GPR139: variants seen among roughly 807,000 people sequenced by gnomAD.
GPR139 encodes the protein G protein-coupled receptor 139.
GPR139 carries 12 observed loss-of-function variants against 25.8 expected under a neutral mutation model. That is an observed-to-expected ratio of 0.47 (90% CI 0.30 to 0.75). The LOEUF (loss-of-function observed/expected upper bound fraction) is 0.75, where lower values mean the gene tolerates loss of function less well. GPR139 is among the 30% of genes least tolerant of loss of function. GPR139 has a pLI of 0.07. For synonymous variants in GPR139, 184 were observed against 179.9 expected, an observed-to-expected ratio of 1.02 and a Z score of -0.18; for missense variants, 380 against 450.2, an observed-to-expected ratio of 0.84 and a Z score of 1.41.
At position 20,032,656 on chromosome 16, in the gene GPR139, T is replaced by G. The variant is rs758452512; in HGVS notation, c.141A>C (p.Thr47=). Residue 47 remains threonine (T), a synonymous_variant, in exon 2 of 2, where the codon ACA becomes ACC. Transcript: ENST00000570682. ...CCACCAGCTGGGAGAGGATGATCAC[T>G]GTCAAGATATTTGCTGTGGAGAGAA... ...LCLGLPANIL[T]VIILSQLVAR... 6.2e-7 allele frequency: 1 copy of G among 1,604,318 alleles called. No homozygotes were observed. Among genetic ancestry groups the G allele is most frequent in the Admixed American group, 1.7e-5 (1 of 59,830 alleles).
chr16:20,042,538 A>G (rs993180289), intron 1 of GPR139, among the ~76,000 whole-genome samples: 1 of 152,128 alleles, frequency 6.6e-6, no homozygotes, highest in African/African-American at 2.4e-5. Context: ...GGAGAATAAC[A>G]TTGGTCATTA....
intron 1 of GPR139, among the ~76,000 whole-genome samples, chr16:20,058,006 G>A (rs191391442): frequency 6.6e-6 from 1 of 152,262 alleles, no homozygotes; most frequent in East Asian, 1.9e-4. Context: ...AATGAAACCT[G>A]GTCCTTGATA....
At chr16:20,046,136 C>T (rs538821742) in intron 1 of GPR139, among the ~76,000 whole-genome samples, 1 of 152,312 alleles carries the variant, frequency 6.6e-6, no homozygotes, top group African/African-American at 2.4e-5. Context: ...AATAGCTTAT[C>T]AATTGTGCAT....
Position 20,033,737 on chromosome 16 carries a change from C to T in GPR139, c.128-1068G>A, listed in dbSNP as rs189696890. Among the ~76,000 whole-genome samples the T allele has an allele frequency of 5.3e-5, 8 of 152,140 alleles. No individual in the cohort carries two copies. In the East Asian group the frequency reaches 1.5e-3, roughly 29 times the overall value. ...TAATAGCAAGGAAAAGTACATTTTC[C>T]TTCTACTCTTATTCTCCAATCATCA... On this transcript the variant is annotated intron_variant, in intron 1 of 1. Coordinates refer to ENST00000570682, the MANE Select transcript of GPR139 (RefSeq NM_001002911.4).
chr16:20,043,191 AG>A (rs2057342652), intron 1 of GPR139, among the ~76,000 whole-genome samples: 1 of 152,230 alleles, frequency 6.6e-6, no homozygotes, highest in African/African-American at 2.4e-5. Context: ...GCAGGGCTGG[AG>A]TCAGCCTTGC....
chr16:20,044,633 G>A (rs1324792003), intron 1 of GPR139, among the ~76,000 whole-genome samples: 2 of 152,138 alleles, frequency 1.3e-5, no homozygotes, highest in African/African-American at 4.8e-5. Flanking sequence ...GCTATTGAGT[G>A]CTTATATCGT....
intron 1 of GPR139, chr16:20,070,916 A>G (rs2057457363): frequency 2.0e-6 from 2 of 984,044 alleles, no homozygotes; most frequent in Non-Finnish European, 2.4e-6. Flanking sequence ...GCAGAGTTAC[A>G]TGCTGACCTG....
rs2057468523 is a variant in GPR139 at position 20,073,542 on chromosome 16, C to T, written c.75G>A (p.Leu25=). 1 of 1,606,300 alleles carries T rather than the reference C, an allele frequency of 6.2e-7. No individual in the cohort carries two copies. Among genetic ancestry groups the T allele is most frequent in the Non-Finnish European group, 8.5e-7 (1 of 1,177,040 alleles). ...SWWSPGSACG[L]GFVPVVYYSL... ...TGTAGTAGACCACGGGCACGAAACC[C>T]AAGCCGCAGGCCGAGCCGGGGGACC... Residue 25 remains leucine, a synonymous_variant, in exon 1 of 2, where the codon TTG becomes TTA. Coordinates refer to ENST00000570682, the MANE Select transcript of GPR139 (RefSeq NM_001002911.4). This position sits in a 1 kb window ranked among gnomAD's most constrained non-coding sequence, Gnocchi z 4.7.
At chr16:20,041,145 GGAGACGA>G (rs1156670707) in intron 1 of GPR139, among the ~76,000 whole-genome samples, 10 of 606 alleles carry the variant, frequency 0.017, no homozygotes, top group Admixed American at 0.083. Flanking sequence ...GGAGAGGAGA[GGAGACGA>G]GAGGGGAGGG....
At chr16:20,051,967 C>T (rs2057373754) in intron 1 of GPR139, among the ~76,000 whole-genome samples, 1 of 152,192 alleles carries the variant, frequency 6.6e-6, no homozygotes, top group Non-Finnish European at 1.5e-5. Context: ...TTCCTCACCT[C>T]TAAAATGAGA....
intron 1 of GPR139, among the ~76,000 whole-genome samples, chr16:20,040,225 C>T (rs576125892): frequency 1.2e-4 from 19 of 152,328 alleles, no homozygotes; most frequent in African/African-American, 3.8e-4. Flanking sequence ...AAGCAAGAAC[C>T]ACCCAGCAGA....
intron 1 of GPR139, among the ~76,000 whole-genome samples, chr16:20,054,317 A>G (rs1390649728): frequency 2.3e-4 from 35 of 152,226 alleles, no homozygotes; most frequent in Admixed American, 2.3e-3. Context: ...TAATGCTGCT[A>G]GTAAAGAATC....
intron 1 of GPR139, among the ~76,000 whole-genome samples, chr16:20,044,500 T>C (rs1215246242): frequency 1.3e-5 from 2 of 152,004 alleles, no homozygotes; most frequent in South Asian, 4.2e-4. Context: ...CTAGGGAAGA[T>C]GAGTAGGAGT....
At chr16:20,050,543 C>T (rs979830619) in intron 1 of GPR139, among the ~76,000 whole-genome samples, 35 of 152,308 alleles carry the variant, frequency 2.3e-4, no homozygotes, top group South Asian at 1.5e-3. Flanking sequence ...CACATTTCCA[C>T]CTATGGCTTC....
intron 1 of GPR139, among the ~76,000 whole-genome samples, chr16:20,056,743 A>G (rs1394569369): frequency 6.6e-6 from 1 of 152,200 alleles, no homozygotes; most frequent in African/African-American, 2.4e-5. Flanking sequence ...TGTGAACTGG[A>G]TTTGGAATTC....
chr16:20,054,977 C>T (rs188295968), intron 1 of GPR139, among the ~76,000 whole-genome samples: 7 of 152,302 alleles, frequency 4.6e-5, no homozygotes, highest in Admixed American at 3.3e-4. Flanking sequence ...ATCCACCCAC[C>T]TCAGCTTCCC....
Position 20,032,316 on chromosome 16 carries a change from T to C in GPR139, c.481A>G (p.Ile161Val). 6.2e-7 allele frequency: 1 copy of C among 1,614,192 alleles called. No homozygotes were observed. The highest frequency in any genetic ancestry group is 8.5e-7 in the Non-Finnish European group (1 of 1,180,020). ...ATGTTGGGCCACCAGTAATAGGGGA[T>C]GCTGGTCAGGAAGCAGGTGATGTAA... ...SVYITCFLTSIPYYWWPNIWT... is the reference protein window; with the variant it reads ...SVYITCFLTSVPYYWWPNIWT... The change falls in exon 2 of 2, where the codon ATC becomes GTC. Residue 161 changes from isoleucine to valine, a missense_variant. Ile to Val is a conservative substitution (Grantham distance 29). Coordinates refer to ENST00000570682, the MANE Select transcript of GPR139 (RefSeq NM_001002911.4).
chr16:20,070,866 G>C, intron 1 of GPR139: 1 of 774,880 alleles, frequency 1.3e-6, no homozygotes, highest in African/African-American at 1.9e-5. Context: ...GGCTGGGGAA[G>C]GGAGGTGATG....
At chr16:20,059,574 G>A (rs1246560282) in intron 1 of GPR139, among the ~76,000 whole-genome samples, 1 of 152,162 alleles carries the variant, frequency 6.6e-6, no homozygotes, top group East Asian at 1.9e-4. Flanking sequence ...TACCTCGTAT[G>A]GTCTCCATGG....
Sources: allele counts gnomAD v4.1 joint callset (sites outside exome capture counted in the v4.1 genomes callset), GRCh38; gene constraint gnomAD v4.1.1; non-coding constraint Gnocchi (gnomAD v3.1); transcripts MANE v1.5; gene names NCBI Gene and HGNC (gene_info 2026-07-23, HGNC 2026-07-21).